Variants in KCND3 observed in about 807,000 individuals in gnomAD.
KCND3 encodes the protein potassium voltage-gated channel subfamily D member 3.
A neutral mutation model predicts 51.1 loss-of-function variants in KCND3; 9 were observed. The ratio of observed to expected loss-of-function variants is 0.18; its 90% CI spans 0.11 to 0.31. The LOEUF is 0.31. KCND3 is among the 10% of genes least tolerant of loss of function. The pLI, the probability that KCND3 is intolerant of heterozygous loss-of-function variation, is 1.00. For missense variants in KCND3, 526 were observed against 903.8 expected, an observed-to-expected ratio of 0.58 and a Z score of 5.36; for synonymous variants, 349 against 368.0, an observed-to-expected ratio of 0.95 and a Z score of 0.59.
intron 1 of KCND3, among the ~76,000 whole-genome samples, chr1:111,983,846 G>A (rs1396655532): frequency 1.3e-5 from 2 of 152,192 alleles, no homozygotes; most frequent in East Asian, 1.9e-4. Flanking sequence ...CATTACCTGT[G>A]TGGACAGAGG....
intron 2 of KCND3, among the ~76,000 whole-genome samples, chr1:111,888,933 T>TA (rs1048653338): frequency 1.3e-5 from 2 of 152,022 alleles, no homozygotes; most frequent in Non-Finnish European, 2.9e-5. Flanking sequence ...CTTTGGAGCT[T>TA]ATCCTCTTGG....
At chr1:111,831,981 T>A (rs1171017173) in intron 2 of KCND3, among the ~76,000 whole-genome samples, 1 of 152,210 alleles carries the variant, frequency 6.6e-6, no homozygotes, top group Non-Finnish European at 1.5e-5. Flanking sequence ...GCTCCAGGCA[T>A]GGTTATGGAA....
At chr1:111,830,118 A>G (rs1666768045) in intron 2 of KCND3, among the ~76,000 whole-genome samples, 1 of 152,130 alleles carries the variant, frequency 6.6e-6, no homozygotes, top group African/African-American at 2.4e-5. Context: ...CTTCCCCACA[A>G]TGTGAGCTCT....
At chr1:111,957,102 C>A (rs1363530450) in intron 2 of KCND3, among the ~76,000 whole-genome samples, 2 of 152,172 alleles carry the variant, frequency 1.3e-5, no homozygotes, top group African/African-American at 4.8e-5. Flanking sequence ...TAATTATGAT[C>A]CCTCTGACCA....
At chr1:111,938,053 T>A (rs1672306242) in intron 2 of KCND3, among the ~76,000 whole-genome samples, 1 of 152,230 alleles carries the variant, frequency 6.6e-6, no homozygotes, top group African/African-American at 2.4e-5. Flanking sequence ...TTCAGCTCAC[T>A]TCTCCCCAGA....
At chr1:111,855,849 C>T (rs1406728199) in intron 2 of KCND3, among the ~76,000 whole-genome samples, 1 of 152,164 alleles carries the variant, frequency 6.6e-6, no homozygotes. Context: ...CTGTCACCAT[C>T]TAGGCTAACT....
chr1:111,787,392 A>G (rs1664651597), intron 2 of KCND3, among the ~76,000 whole-genome samples: 1 of 152,230 alleles, frequency 6.6e-6, no homozygotes, highest in Non-Finnish European at 1.5e-5. Flanking sequence ...GAGGTGCTGC[A>G]TCAGGTGGTG....
chr1:111,982,199 G>A lies in KCND3; in HGVS notation c.528C>T (p.Pro176=). ...RQTMWRAFEN[P]HTSTLALVFY... The stretch of plus-strand genomic sequence containing the variant: ...AGACCAGGGCCAGCGTGCTGGTGTG[G>A]GGGTTCTCGAAGGCCCGCCACATGG... Residue 176 remains proline, a synonymous_variant, in exon 2 of 8, where the codon CCC becomes CCT. Transcript: ENST00000302127. This position sits in a 1 kb window ranked among gnomAD's most constrained non-coding sequence, Gnocchi z 8.5. The A allele has an allele frequency of 6.2e-7, 1 of 1,614,086 alleles. No individual in the cohort carries two copies. Among genetic ancestry groups the A allele is most frequent in the Non-Finnish European group, 8.5e-7 (1 of 1,180,010 alleles).
At chr1:111,855,979 G>A (rs1429575023) in intron 2 of KCND3, among the ~76,000 whole-genome samples, 1 of 152,166 alleles carries the variant, frequency 6.6e-6, no homozygotes, top group Non-Finnish European at 1.5e-5. Context: ...CCTGCAGGGA[G>A]GCAGCCAAGG....
At chr1:111,956,099 G>A (rs1557744655) in intron 2 of KCND3, among the ~76,000 whole-genome samples, 1 of 152,168 alleles carries the variant, frequency 6.6e-6, no homozygotes, top group African/African-American at 2.4e-5. Flanking sequence ...GGCATGCCCA[G>A]TCCTAACAAG....
At chr1:111,959,752 C>T (rs532246189) in intron 2 of KCND3, among the ~76,000 whole-genome samples, 1 of 152,270 alleles carries the variant, frequency 6.6e-6, no homozygotes, top group African/African-American at 2.4e-5. Context: ...AGTAGTGAGC[C>T]TCTTCCTCAG....
intron 2 of KCND3, among the ~76,000 whole-genome samples, chr1:111,802,353 G>C (rs1174319161): frequency 6.6e-6 from 1 of 152,184 alleles, no homozygotes; most frequent in Non-Finnish European, 1.5e-5. Context: ...GCCAGTGGCT[G>C]TTTCACACTT....
At chr1:111,976,305 C>T (rs1674622295) in intron 2 of KCND3, among the ~76,000 whole-genome samples, 2 of 152,188 alleles carry the variant, frequency 1.3e-5, no homozygotes, top group Admixed American at 1.3e-4. Context: ...ACTTCCCTTG[C>T]AAGAAAGCCC....
At chr1:111,956,975 C>T (rs1406961966) in intron 2 of KCND3, among the ~76,000 whole-genome samples, 1 of 152,172 alleles carries the variant, frequency 6.6e-6, no homozygotes, top group Non-Finnish European at 1.5e-5. Context: ...AAAAGTGGAA[C>T]CAATCTTGTT....
intron 2 of KCND3, among the ~76,000 whole-genome samples, chr1:111,812,677 C>T (rs61030378): frequency 0.015 from 2,224 of 152,320 alleles, 39 homozygotes; most frequent in African/African-American, 0.049. Context: ...TTAATAACCT[C>T]TCTGGAATCA....
At chr1:111,833,628 G>A (rs1666945420) in intron 2 of KCND3, among the ~76,000 whole-genome samples, 1 of 152,202 alleles carries the variant, frequency 6.6e-6, no homozygotes, top group Admixed American at 6.5e-5. Flanking sequence ...AAATGTTGGT[G>A]GTGCTGATTT....
chr1:111,912,231 G>A (rs1177343800), intron 2 of KCND3, among the ~76,000 whole-genome samples: 1 of 152,230 alleles, frequency 6.6e-6, no homozygotes, highest in African/African-American at 2.4e-5. Flanking sequence ...AATGCCAGAT[G>A]GCGTATATGA....
At position 111,982,094 on chromosome 1, in the gene KCND3, C is replaced by T. The variant is rs35131566; in HGVS notation, c.633G>A (p.Pro211=). ...VVETVPCGTV[P]GSKELPCGER... ...CCCCGCACGGCAGCTCCTTGCTGCC[C>T]GGGACCGTGCCGCACGGCACCGTCT... Residue 211 remains proline (P), a synonymous_variant, in exon 2 of 8, where the codon CCG becomes CCA. Coordinates refer to ENST00000302127, the MANE Select transcript of KCND3 (RefSeq NM_001378969.1). This position sits in a 1 kb window ranked among gnomAD's most constrained non-coding sequence, Gnocchi z 8.5. The T allele has an allele frequency of 1.5e-5, 24 of 1,613,608 alleles. No homozygotes were observed. The highest frequency in any genetic ancestry group is 4.5e-5 in the East Asian group (2 of 44,776).
chr1:111,958,117 TG>T (rs1673430856), intron 2 of KCND3, among the ~76,000 whole-genome samples: 1 of 152,190 alleles, frequency 6.6e-6, no homozygotes, highest in African/African-American at 2.4e-5. Flanking sequence ...CCTAGCAGCC[TG>T]GAGACAGGCT....
Sources: gnomAD v4.1 joint callset for allele counts (sites outside exome capture counted in the v4.1 genomes callset) on GRCh38, gnomAD v4.1.1 for gene constraint, Gnocchi (gnomAD v3.1) non-coding constraint, MANE v1.5 for transcripts, NCBI Gene and HGNC (gene_info 2026-07-23, HGNC 2026-07-21) for gene names.